BCKDHB: variants seen among roughly 807,000 people sequenced by gnomAD.
BCKDHB encodes 2-oxoisovalerate dehydrogenase subunit beta, mitochondrial.
Under a neutral mutation model 48.5 loss-of-function variants are expected in BCKDHB, and 41 were observed. The ratio of observed to expected loss-of-function variants is 0.85; its 90% confidence interval spans 0.66 to 1.10. The LOEUF (loss-of-function observed/expected upper bound fraction) is 1.10, where lower values mean the gene tolerates loss of function less well. BCKDHB is among the 50% of genes least tolerant of loss of function. The probability of loss-of-function intolerance (pLI) is 0.00; values close to 1 mark genes in which losing one functional copy is unlikely to be tolerated. For synonymous variants in BCKDHB, 201 were observed against 174.8 expected (o/e 1.15, Z -1.18); for missense variants, 496 against 494.2 (o/e 1.00, Z -0.03).
At chr6:80,205,828 G>GTGTGTGTT (rs1554195568) in intron 8 of BCKDHB, among the ~76,000 whole-genome samples, 3 of 146,270 alleles carry the variant, frequency 2.1e-5, no homozygotes, top group African/African-American at 7.5e-5. Context: ...GTGTGTGTGT[G>GTGTGTGTT]TGTGTGTAGG....
At chr6:80,199,395 A>G (rs1166548832) in intron 6 of BCKDHB, among the ~76,000 whole-genome samples, 1 of 152,158 alleles carries the variant, frequency 6.6e-6, no homozygotes, top group Non-Finnish European at 1.5e-5. Flanking sequence ...TTTTGAATAT[A>G]CATATATAAT....
intron 3 of BCKDHB, chr6:80,135,818 A>G (rs946892745): frequency 6.6e-6 from 1 of 152,142 alleles, no homozygotes; most frequent in African/African-American, 2.4e-5. Context: ...ACCATCTAAC[A>G]ATAACTCCCC....
Position 80,152,855 on chromosome 6 carries a change from T to C in BCKDHB, c.344-14823T>C, listed in dbSNP as rs188429206. ...TCATATGGACCTTAGTCAAATGTTA[T>C]GGCAAACAGCACACAGCATATAGCT... On this transcript the variant is annotated intron_variant, in intron 3 of 9. Transcript: ENST00000320393. Among the ~76,000 whole-genome samples, 86 of 152,274 alleles carry C rather than the reference T, an allele frequency of 5.6e-4. 1 individual carries two copies. Among genetic ancestry groups the C allele is most frequent in the Non-Finnish European group, 3.4e-4 (23 of 68,024 alleles).
the BCKDHB span, among the ~76,000 whole-genome samples, chr6:80,405,327 T>C: frequency 6.6e-6 from 1 of 152,146 alleles, no homozygotes; most frequent in African/African-American, 2.4e-5. Flanking sequence ...TTAAAGTCTA[T>C]TTTGTCTTAT....
chr6:80,202,112 C>G (rs990734240), intron 7 of BCKDHB, among the ~76,000 whole-genome samples: 16 of 152,118 alleles, frequency 1.1e-4, no homozygotes, highest in African/African-American at 3.9e-4. Context: ...CCTTACTTCT[C>G]TTTTTAATAG....
intron 8 of BCKDHB, among the ~76,000 whole-genome samples, chr6:80,257,137 T>C (rs1582452225): frequency 1.3e-5 from 2 of 152,234 alleles, no homozygotes; most frequent in East Asian, 3.9e-4. Flanking sequence ...AGTTAGTCTA[T>C]TGAGTAGCTG....
rs184719922 is a variant in BCKDHB at position 80,122,241 on chromosome 6, G to A, written c.197-5306G>A. ...TGGATAAGATTTTTTATGTGCTGCTGGATTTGGTTTGCCAGTATTTTACTG... is the reference window on the plus strand; with the variant it reads ...TGGATAAGATTTTTTATGTGCTGCTAGATTTGGTTTGCCAGTATTTTACTG... On this transcript the variant is annotated intron_variant, in intron 1 of 9. Coordinates refer to ENST00000320393, the MANE Select transcript of BCKDHB (RefSeq NM_183050.4). Among the ~76,000 whole-genome samples, 39 of 152,280 alleles carry A rather than the reference G, an allele frequency of 2.6e-4. 1 individual carries two copies. In the East Asian group the frequency reaches 7.1e-3, roughly 28 times the overall value.
chr6:80,427,770 G>C, the BCKDHB span, among the ~76,000 whole-genome samples: 4 of 152,076 alleles, frequency 2.6e-5, no homozygotes, highest in Admixed American at 2.6e-4. Flanking sequence ...AATCTTTGAA[G>C]ATGTTATACC....
At chr6:80,220,336 TCAGTTGTTACGGGTATATAC>T (rs1775371683) in intron 8 of BCKDHB, among the ~76,000 whole-genome samples, 5 of 145,432 alleles carry the variant, frequency 3.4e-5, no homozygotes, top group Non-Finnish European at 6.1e-5. Context: ...GTATTTTCCT[TCAGTTGTTACGGGTATATAC>T]ATTTTTTTCA....
the BCKDHB span, among the ~76,000 whole-genome samples, chr6:80,465,229 C>T: frequency 6.6e-6 from 1 of 152,128 alleles, no homozygotes; most frequent in East Asian, 1.9e-4. Context: ...GACTGCATAG[C>T]CCTGCATTGG....
At chr6:80,422,167 C>A in the BCKDHB span, among the ~76,000 whole-genome samples, 1 of 152,286 alleles carries the variant, frequency 6.6e-6, no homozygotes, top group South Asian at 2.1e-4. Context: ...GCTGCTCCAT[C>A]CCCAGTCCTG....
At chr6:80,174,707 C>T (rs143345118) in intron 6 of BCKDHB, among the ~76,000 whole-genome samples, 2 of 152,184 alleles carry the variant, frequency 1.3e-5, no homozygotes, top group African/African-American at 4.8e-5. Context: ...TCTTCCAGGT[C>T]CTGGACACAT....
chr6:80,149,389 A>G (rs1771647119), intron 3 of BCKDHB, among the ~76,000 whole-genome samples: 1 of 152,220 alleles, frequency 6.6e-6, no homozygotes, highest in Admixed American at 6.5e-5. Flanking sequence ...AACTGGTTCA[A>G]CCATTGTGGA....
chr6:80,304,500 C>T (rs1245266007), intron 9 of BCKDHB, among the ~76,000 whole-genome samples: 1 of 152,088 alleles, frequency 6.6e-6, no homozygotes. Context: ...AATGATAGCA[C>T]TAGGCTCAAT....
chr6:80,330,077 T>G (rs9443745), intron 9 of BCKDHB, among the ~76,000 whole-genome samples: 117,890 of 151,816 alleles, frequency 0.78, 46,127 homozygotes, highest in Admixed American at 0.84. Context: ...ACAAGAGTTT[T>G]AGAAGAGAGA....
At chr6:80,300,510 C>T (rs1294734578) in intron 9 of BCKDHB, among the ~76,000 whole-genome samples, 1 of 152,198 alleles carries the variant, frequency 6.6e-6, no homozygotes, top group Non-Finnish European at 1.5e-5. Flanking sequence ...TTTCATAAAA[C>T]AGTTTCTTCT....
At chr6:80,151,860 G>T (rs952727763) in intron 3 of BCKDHB, among the ~76,000 whole-genome samples, 3 of 152,142 alleles carry the variant, frequency 2.0e-5, no homozygotes, top group Non-Finnish European at 2.9e-5. Flanking sequence ...GACGCACAAG[G>T]GTTTTAGATG....
intron 9 of BCKDHB, among the ~76,000 whole-genome samples, chr6:80,324,807 A>G (rs1426774610): frequency 6.6e-6 from 1 of 152,128 alleles, no homozygotes; most frequent in Non-Finnish European, 1.5e-5. Context: ...TGGTGGCCAT[A>G]TGGCTCCAGC....
intron 8 of BCKDHB, among the ~76,000 whole-genome samples, chr6:80,264,811 C>T (rs184445813): frequency 1.3e-5 from 2 of 152,080 alleles, no homozygotes; most frequent in East Asian, 3.9e-4. Flanking sequence ...CTCAAAGGGA[C>T]CAGTTTAAGA....
Sources: allele counts gnomAD v4.1 joint callset (sites outside exome capture counted in the v4.1 genomes callset), GRCh38; gene constraint gnomAD v4.1.1; transcripts MANE v1.5; gene names NCBI Gene and HGNC (gene_info 2026-07-23, HGNC 2026-07-21).